The following RFX4 variants were observed in gnomAD, a reference collection of about 807,000 sequenced individuals.
RFX4 encodes transcription factor RFX4.
RFX4 carries 10 observed loss-of-function variants against 95.0 expected under a neutral mutation model. The observed-to-expected ratio is 0.11, with a 90% CI of 0.06 to 0.18. The LOEUF (loss-of-function observed/expected upper bound fraction) is 0.18. Ranked by LOEUF, RFX4 falls within the 10% of genes least tolerant of loss-of-function variation. The probability of loss-of-function intolerance (pLI) is 1.00; values close to 1 mark genes in which losing one functional copy is unlikely to be tolerated. For missense variants in RFX4, 640 were observed against 922.0 expected (o/e 0.69, Z 3.96); for synonymous variants, 321 against 340.7 (o/e 0.94, Z 0.64).
At chr12:106,637,672 T>A (rs2040540370) in intron 2 of RFX4, among the ~76,000 whole-genome samples, 2 of 147,536 alleles carry the variant, frequency 1.4e-5, no homozygotes, top group Non-Finnish European at 3.0e-5. Context: ...TAATCTTTAT[T>A]AGGAATTGGA....
intron 7 of RFX4, among the ~76,000 whole-genome samples, chr12:106,691,071 C>T (rs2041771161): frequency 1.3e-5 from 2 of 152,086 alleles, no homozygotes; most frequent in South Asian, 4.1e-4. Flanking sequence ...GGTGAGAGGT[C>T]CAGAAACATT....
chr12:106,758,135 A>T (rs2136105557), intron 17 of RFX4, among the ~76,000 whole-genome samples: 1 of 152,324 alleles, frequency 6.6e-6, no homozygotes, highest in East Asian at 1.9e-4. Context: ...TGTGCCCAGC[A>T]TGCTTAAGGA....
At chr12:106,680,165 T>G (rs1342429095) in intron 4 of RFX4, among the ~76,000 whole-genome samples, 1 of 152,242 alleles carries the variant, frequency 6.6e-6, no homozygotes, top group Non-Finnish European at 1.5e-5. Flanking sequence ...TCGTATTAGA[T>G]TCTCTAAACA....
At chr12:106,712,818 G>A (rs2137504121) in intron 10 of RFX4, among the ~76,000 whole-genome samples, 1 of 152,328 alleles carries the variant, frequency 6.6e-6, no homozygotes, top group Non-Finnish European at 1.5e-5. Context: ...GAGGATGCAT[G>A]CCAGCATCTG....
In RFX4 at chr12:106,732,235, G is replaced by A; in HGVS notation, c.1457G>A (p.Gly486Glu). ...RANELMRAMKGEGSTAEVREE... is the reference protein window; with the variant it reads ...RANELMRAMKEEGSTAEVREE... Reference sequence around the variant, plus strand: ...AATGAGCTCATGCGAGCCATGAAGGGAGAAGGAAGCACTGGTAAGCCAGCA... The same window carrying A: ...AATGAGCTCATGCGAGCCATGAAGGAAGAAGGAAGCACTGGTAAGCCAGCA... The change falls in exon 14 of 18, where the codon GGA becomes GAA. Residue 486 changes from glycine (G) to glutamate (E), a missense_variant. Coordinates refer to ENST00000392842, the MANE Select transcript of RFX4 (RefSeq NM_213594.3). The A allele has an allele frequency of 6.2e-7, 1 of 1,613,996 alleles. No homozygotes were observed. The highest frequency in any genetic ancestry group is 8.5e-7 in the Non-Finnish European group (1 of 1,179,892).
Position 106,728,236 on chromosome 12 carries a change from C to T in RFX4, c.1352-3894C>T, listed in dbSNP as rs147057157. ...TCCTAATGCCTTTTTCCATAACAGGCTCTGCTGCTCCCTAGCTCTGTGACT... is the reference window on the plus strand; with the variant it reads ...TCCTAATGCCTTTTTCCATAACAGGTTCTGCTGCTCCCTAGCTCTGTGACT... On this transcript the variant is annotated intron_variant, in intron 13 of 17. Coordinates refer to ENST00000392842, the MANE Select transcript of RFX4 (RefSeq NM_213594.3). Among the ~76,000 whole-genome samples, 61 of 147,144 alleles carry T rather than the reference C, an allele frequency of 4.1e-4. No homozygotes were observed. In the East Asian group the frequency reaches 0.012, roughly 30 times the overall value.
chr12:106,746,802 A>T (rs2042905188), intron 15 of RFX4, among the ~76,000 whole-genome samples: 1 of 152,186 alleles, frequency 6.6e-6, no homozygotes, highest in African/African-American at 2.4e-5. Flanking sequence ...AGCGCTGAAA[A>T]GTTAATTTGC....
intron 13 of RFX4, among the ~76,000 whole-genome samples, chr12:106,728,484 C>A (rs1012183130): frequency 6.6e-6 from 1 of 151,914 alleles, no homozygotes; most frequent in African/African-American, 2.4e-5. Context: ...AAGCACTGGT[C>A]AAGACAGAAA....
chr12:106,682,190 C>A, intron 5 of RFX4, 136 bp downstream of exon 5: 1 of 844,580 alleles, frequency 1.2e-6, no homozygotes, highest in Non-Finnish European at 1.9e-6. Flanking sequence ...TATGGAAGAG[C>A]TTTATGACGG....
At chr12:106,627,089 T>C (rs1163465592) in intron 2 of RFX4, among the ~76,000 whole-genome samples, 1 of 152,162 alleles carries the variant, frequency 6.6e-6, no homozygotes, top group East Asian at 1.9e-4. Flanking sequence ...TCACTCTGAG[T>C]GTACACTTCT....
At chr12:106,699,643 T>A (rs2041947895) in intron 8 of RFX4, among the ~76,000 whole-genome samples, 1 of 152,216 alleles carries the variant, frequency 6.6e-6, no homozygotes. Context: ...AATGTCTTTT[T>A]TTATCTTTCA....
At position 106,761,346 on chromosome 12, in the gene RFX4, C is replaced by T. The variant is rs370809863; in HGVS notation, c.2085C>T (p.Tyr695=). 9.3e-6 allele frequency: 15 copies of T among 1,613,936 alleles called. No individual in the cohort carries two copies. In the African/African-American group the frequency reaches 1.1e-4, roughly 11 times the overall value. Residue 695 remains tyrosine (Y), a synonymous_variant, in exon 18 of 18, where the codon TAC becomes TAT. Transcript: ENST00000392842. ...YTSPSVHSAR[Y]GNSSDMYTPL... ...GCCCGTCTGTGCATTCTGCGAGGTA[C>T]GGAAACTCTAGTGACATGTATACAC...
At chr12:106,724,234 C>A (rs922213234) in intron 13 of RFX4, among the ~76,000 whole-genome samples, 2 of 152,156 alleles carry the variant, frequency 1.3e-5, no homozygotes, top group East Asian at 1.9e-4. Context: ...TCATTGAATT[C>A]TTGCATTAAC....
chr12:106,666,677 G>C (rs12303634), intron 4 of RFX4, among the ~76,000 whole-genome samples: 199 of 152,286 alleles, frequency 1.3e-3, no homozygotes, highest in African/African-American at 4.6e-3. Flanking sequence ...GTCTTCAGCT[G>C]TGTCTAGTCA....
In RFX4 at chr12:106,688,537, G is replaced by A. The variant is rs117232576; in HGVS notation, c.592-750G>A. Among the ~76,000 whole-genome samples, 908 of 152,236 alleles carry A rather than the reference G, an allele frequency of 6.0e-3. 23 individuals are homozygous for A. The highest frequency in any genetic ancestry group is 0.039 in the Admixed American group (600 of 15,288). On this transcript the variant is annotated intron_variant, in intron 6 of 17. Coordinates refer to ENST00000392842, the MANE Select transcript of RFX4 (RefSeq NM_213594.3). ...AACCAGGGAGATAGTGCTTGTATAAGTCAAACTAAGTTTATATAAAATGCA... is the reference window on the plus strand; with the variant it reads ...AACCAGGGAGATAGTGCTTGTATAAATCAAACTAAGTTTATATAAAATGCA...
intron 3 of RFX4, among the ~76,000 whole-genome samples, chr12:106,650,074 A>T (rs1343922681): frequency 6.6e-6 from 1 of 152,080 alleles, no homozygotes; most frequent in Non-Finnish European, 1.5e-5. Context: ...CTCCTGGGCC[A>T]CCTCCCCTAG....
chr12:106,585,152 T>A (rs114909147), intron 1 of RFX4, among the ~76,000 whole-genome samples: 150 of 152,324 alleles, frequency 9.8e-4, no homozygotes, highest in African/African-American at 3.5e-3. Flanking sequence ...CGCAGGGACA[T>A]AGGGTCTCCC....
intron 4 of RFX4, among the ~76,000 whole-genome samples, chr12:106,663,610 G>A (rs977473002): frequency 2.6e-5 from 4 of 151,958 alleles, no homozygotes; most frequent in Non-Finnish European, 4.4e-5. Context: ...GGTGAGAGGA[G>A]TGGTGAGACA....
At chr12:106,706,479 GGGA>G (rs2042089029) in intron 8 of RFX4, among the ~76,000 whole-genome samples, 1 of 152,112 alleles carries the variant, frequency 6.6e-6, no homozygotes, top group Non-Finnish European at 1.5e-5. Context: ...GGCTGTGCTT[GGGA>G]AGTAATTTGG....
Sources: allele counts gnomAD v4.1 joint callset (sites outside exome capture counted in the v4.1 genomes callset), GRCh38; gene constraint gnomAD v4.1.1; transcripts MANE v1.5; gene names NCBI Gene and HGNC (gene_info 2026-07-23, HGNC 2026-07-21).